The following CKAP5 variants were observed in gnomAD, a reference collection of about 807,000 sequenced individuals.
CKAP5 encodes the protein cytoskeleton-associated protein 5.
CKAP5 carries 27 observed loss-of-function variants against 232.8 expected under a neutral mutation model. That is an observed-to-expected ratio of 0.12 (90% CI 0.09 to 0.16). CKAP5 has a LOEUF of 0.16. Ranked by LOEUF, CKAP5 falls within the 10% of genes least tolerant of loss-of-function variation. The pLI is 1.00. For synonymous variants in CKAP5, 785 were observed against 841.1 expected (o/e 0.93, Z 1.16); for missense variants, 1,838 against 2,424.7 (o/e 0.76, Z 5.08).
intron 9 of CKAP5, among the ~76,000 whole-genome samples, chr11:46,799,358 T>C (rs537286050): frequency 3.3e-4 from 50 of 152,342 alleles, no homozygotes; most frequent in African/African-American, 1.1e-3. Flanking sequence ...CAGAAGTGGT[T>C]ATAGACTACT....
chr11:46,769,607 G>A (rs1308047796), intron 26 of CKAP5, among the ~76,000 whole-genome samples: 1 of 151,756 alleles, frequency 6.6e-6, no homozygotes, highest in Non-Finnish European at 1.5e-5. Flanking sequence ...GAGGCAGAAG[G>A]AACACTTGAG....
intron 4 of CKAP5, among the ~76,000 whole-genome samples, chr11:46,811,414 A>C (rs902951442): frequency 3.9e-5 from 6 of 152,220 alleles, no homozygotes; most frequent in African/African-American, 1.4e-4. Context: ...ATTTTTAAAC[A>C]AACTTTCTAG....
chr11:46,792,385 T>C (rs981977997), intron 13 of CKAP5, among the ~76,000 whole-genome samples: 1 of 152,052 alleles, frequency 6.6e-6, no homozygotes, highest in African/African-American at 2.4e-5. Context: ...AAATCTCATC[T>C]CTACTAAAAA....
intron 35 of CKAP5, chr11:46,758,718 A>C: frequency 4.6e-6 from 2 of 436,856 alleles, no homozygotes; most frequent in Admixed American, 8.3e-5. Context: ...AAAGAGGAAA[A>C]AAAAAAAAAA....
At chr11:46,806,778 G>A (rs1016919867) in intron 8 of CKAP5, among the ~76,000 whole-genome samples, 2 of 152,106 alleles carry the variant, frequency 1.3e-5, no homozygotes, top group Non-Finnish European at 2.9e-5. Context: ...CAACACTCAT[G>A]GTACTTTCCT....
rs1232261764 is a variant in CKAP5, at chr11:46,750,553, ATCT to A, written c.5516_5518del (p.Lys1839del). On this transcript the variant is annotated inframe_deletion, in exon 41 of 44. Transcript: ENST00000529230. ...CTCTTTAGTGTTTTCTTTAGAGCCA[ATCT>A]TCTTAAAAATCTCAGCTAAGAAATC... 6.2e-7 allele frequency: 1 copy of A among 1,614,016 alleles called. No individual in the cohort carries two copies. The highest frequency in any genetic ancestry group is 8.5e-7 in the Non-Finnish European group (1 of 1,179,990).
rs777488138 is a variant in CKAP5, at chr11:46,744,505, T to C, written c.5777A>G (p.Asn1926Ser). ...GACAGATGGCCCCACTTCTTCCCCA[T>C]TTGTGTTACCTATGGAGGACACTGT... ...TSTVSSIGNT[N>S]GEEVGPSVYL... Residue 1926 changes from asparagine to serine, a missense_variant, in exon 43 of 44, where the codon AAT (asparagine) becomes AGT (serine). Coordinates refer to ENST00000529230, the MANE Select transcript of CKAP5 (RefSeq NM_001008938.4). The C allele has an allele frequency of 6.2e-7, 1 of 1,614,104 alleles. No homozygotes were observed. Among genetic ancestry groups the C allele is most frequent in the East Asian group, 2.2e-5 (1 of 44,870 alleles).
rs577957986 is a variant in CKAP5, at chr11:46,791,593, G to A, written c.1651-1010C>T. ...GGAGGCTGAGGTGGGAGGGCTGCTTGAGCCCAGGAAGTTGAGTCTGCAGTG... is the reference window on the plus strand; with the variant it reads ...GGAGGCTGAGGTGGGAGGGCTGCTTAAGCCCAGGAAGTTGAGTCTGCAGTG... On this transcript the variant is annotated intron_variant, in intron 13 of 43. Coordinates refer to ENST00000529230, the MANE Select transcript of CKAP5 (RefSeq NM_001008938.4). Among the ~76,000 whole-genome samples, 7 of 152,220 alleles carry A rather than the reference G, an allele frequency of 4.6e-5. No homozygotes were observed. The South Asian group carries it at 1.5e-3, about 32-fold the overall frequency.
chr11:46,768,969 G>A (rs911100564), intron 26 of CKAP5, among the ~76,000 whole-genome samples: 2 of 151,940 alleles, frequency 1.3e-5, no homozygotes, highest in African/African-American at 4.8e-5. Flanking sequence ...CCCCAGGCTG[G>A]AGTGCACTGG....
At chr11:46,795,812 C>T in intron 12 of CKAP5, 36 bp from the exon 13 acceptor site, 1 of 1,556,036 alleles carries the variant, frequency 6.4e-7, no homozygotes, top group East Asian at 2.2e-5. Context: ...TCATTAAGCC[C>T]AACTTTGAAA....
chr11:46,809,919 A>G (rs1273190780), intron 5 of CKAP5, 45 bp from the exon 6 acceptor site: 2 of 1,535,474 alleles, frequency 1.3e-6, no homozygotes, highest in Non-Finnish European at 1.8e-6. Flanking sequence ...CATCTCCACC[A>G]TTAGTTAACA....
chr11:46,816,084 T>C (rs75129749), intron 4 of CKAP5, 114 bp downstream of exon 4: 1 of 794,538 alleles, frequency 1.3e-6, no homozygotes. Context: ...GACCCCCCCA[T>C]CCCCCCAACA....
At chr11:46,835,149 T>C (rs1939886137) in intron 1 of CKAP5, among the ~76,000 whole-genome samples, 1 of 151,994 alleles carries the variant, frequency 6.6e-6, no homozygotes, top group Non-Finnish European at 1.5e-5. Flanking sequence ...AAATTGTGCA[T>C]AGAAGAGTGA....
chr11:46,817,456 T>C (rs1412326006), intron 3 of CKAP5, among the ~76,000 whole-genome samples: 8 of 152,106 alleles, frequency 5.3e-5, no homozygotes, highest in Non-Finnish European at 1.0e-4. Context: ...CTACCGGGAA[T>C]CAGAAGAACT....
chr11:46,797,834 G>A lies in CKAP5; in HGVS notation c.1309C>T (p.Leu437=). ...CTASTLPKSL[L]KPFCAALLKH... is the part of the protein sequence containing the mutation. ...AGTAGTGCAGCACAAAAGGGCTTTA[G>A]CAAGCTCTTTGGCAGGGTAGAAGCA... Residue 437 remains leucine (L), a synonymous_variant, in exon 11 of 44, where the codon CTA becomes TTA. Transcript: ENST00000529230. The A allele has an allele frequency of 6.2e-7, 1 of 1,613,386 alleles. No individual in the cohort carries two copies. The highest frequency in any genetic ancestry group is 8.5e-7 in the Non-Finnish European group (1 of 1,179,850).
chr11:46,761,946 A>G (rs1791820272), intron 32 of CKAP5, 54 bp downstream of exon 32: 2 of 1,438,648 alleles, frequency 1.4e-6, no homozygotes, highest in Non-Finnish European at 1.9e-6. Flanking sequence ...AACACCTAGG[A>G]GATCTTGCAA....
chr11:46,746,198 A>G (rs1334464402), intron 42 of CKAP5, among the ~76,000 whole-genome samples: 1 of 152,190 alleles, frequency 6.6e-6, no homozygotes. Context: ...AACTAAGCAT[A>G]GAACTGATGA....
intron 18 of CKAP5, among the ~76,000 whole-genome samples, chr11:46,782,325 T>C (rs1231987746): frequency 6.6e-6 from 1 of 152,056 alleles, no homozygotes; most frequent in African/African-American, 2.4e-5. Flanking sequence ...AAATGAAAGA[T>C]CATAACAAAA....
At chr11:46,758,589 A>C (rs1369144304) in intron 35 of CKAP5, among the ~76,000 whole-genome samples, 1 of 152,130 alleles carries the variant, frequency 6.6e-6, no homozygotes, top group East Asian at 1.9e-4. Flanking sequence ...CCAGCTACTC[A>C]GGAAGCTGAG....
Sources: allele counts gnomAD v4.1 joint callset (sites outside exome capture counted in the v4.1 genomes callset), GRCh38; gene constraint gnomAD v4.1.1; transcripts MANE v1.5; gene names NCBI Gene and HGNC (gene_info 2026-07-23, HGNC 2026-07-21).